MAML3: variants seen among roughly 807,000 people sequenced by gnomAD.
MAML3 encodes the protein mastermind like transcriptional coactivator 3, also known as mastermind-like protein 3.
Under a neutral mutation model 101.9 loss-of-function variants are expected in MAML3, and 27 were observed. That is an observed-to-expected ratio of 0.27 (90% CI 0.20 to 0.37). The LOEUF is 0.37. Among genes scored for constraint, MAML3 ranks in the 10% least tolerant of loss-of-function variants. The pLI, the probability that MAML3 is intolerant of heterozygous loss-of-function variation, is 1.00. For missense variants in MAML3, 1,316 were observed against 1,444.9 expected, an observed-to-expected ratio of 0.91 and a Z score of 1.45; for synonymous variants, 501 against 555.9, an observed-to-expected ratio of 0.90 and a Z score of 1.39.
intron 1 of MAML3, among the ~76,000 whole-genome samples, chr4:140,122,563 C>A (rs528604199): frequency 6.6e-6 from 1 of 151,812 alleles, no homozygotes; most frequent in Non-Finnish European, 1.5e-5. Context: ...GAGGCCGAGG[C>A]GGGCGGATCA....
Position 139,863,832 on chromosome 4 carries a change from G to GTTTTTTTTTTTTT in MAML3, c.2079+25512_2079+25524dup, listed in dbSNP as rs58270046. 3.2e-3 allele frequency among the ~76,000 whole-genome samples: 355 copies of GTTTTTTTTTTTTT among 111,202 alleles called. 43 individuals carry two copies. The highest frequency in any genetic ancestry group is 5.7e-3 in the East Asian group (13 of 2,292). The allele number at this position is 111,202 out of a possible 152,430, so 73.0% of individuals were successfully genotyped here. Reference sequence around the variant, plus strand: ...TTTCTGTGGTAATACCAGAACATGGGTTTTTTTTTTTTTTTTTTTTTTTTG... The same window carrying GTTTTTTTTTTTTT: ...TTTCTGTGGTAATACCAGAACATGGGTTTTTTTTTTTTTTTTTTTTTTTTTTTTTTTTTTTTTG... On this transcript the variant is annotated intron_variant, in intron 2 of 4. Transcript: ENST00000509479.
intron 1 of MAML3, among the ~76,000 whole-genome samples, chr4:139,914,999 T>G (rs916345837): frequency 8.3e-6 from 1 of 120,940 alleles, no homozygotes; most frequent in Admixed American, 7.2e-5. Flanking sequence ...TTAAAACCAG[T>G]GGCTAAGGAG....
At chr4:140,116,210 A>G (rs1728514909) in intron 1 of MAML3, among the ~76,000 whole-genome samples, 1 of 152,206 alleles carries the variant, frequency 6.6e-6, no homozygotes, top group Non-Finnish European at 1.5e-5. Context: ...AAGCCTTATG[A>G]CAATACCACA....
intron 1 of MAML3, among the ~76,000 whole-genome samples, chr4:140,003,668 G>A (rs982718419): frequency 2.7e-4 from 41 of 152,156 alleles, no homozygotes; most frequent in Admixed American, 1.8e-3. Context: ...TGCCAGCAAC[G>A]TCTGTCAAAG....
chr4:140,058,958 A>T (rs1727399275), intron 1 of MAML3, among the ~76,000 whole-genome samples: 1 of 152,190 alleles, frequency 6.6e-6, no homozygotes, highest in Non-Finnish European at 1.5e-5. Flanking sequence ...CTTCTATATA[A>T]AACGCCGGTA....
intron 2 of MAML3, among the ~76,000 whole-genome samples, chr4:139,781,951 G>A (rs1270084840): frequency 6.6e-6 from 1 of 152,148 alleles, no homozygotes; most frequent in Admixed American, 6.5e-5. Context: ...TCCAACAGAG[G>A]CTGAATTGGA....
At position 139,912,726 on chromosome 4, in the gene MAML3, C is replaced by G. The variant is rs1182228731; in HGVS notation, c.469-21759G>C. Among the ~76,000 whole-genome samples, 4 of 152,248 alleles carry G rather than the reference C, an allele frequency of 2.6e-5. No homozygotes were observed. The East Asian group carries it at 7.7e-4, about 29-fold the overall frequency. On this transcript the variant is annotated intron_variant, in intron 1 of 4. Coordinates refer to ENST00000509479, the MANE Select transcript of MAML3 (RefSeq NM_018717.5). ...GGAGGCAGAGACTGGAGTTACGCAGCTGCAAGCTAAGGAATGCCAAAGACT... is the reference window on the plus strand; with the variant it reads ...GGAGGCAGAGACTGGAGTTACGCAGGTGCAAGCTAAGGAATGCCAAAGACT...
chr4:139,975,892 G>C (rs1336385305), intron 1 of MAML3, among the ~76,000 whole-genome samples: 1 of 152,086 alleles, frequency 6.6e-6, no homozygotes, highest in Non-Finnish European at 1.5e-5. Context: ...GTTCAGGCCT[G>C]GATTAAAGGA....
intron 1 of MAML3, among the ~76,000 whole-genome samples, chr4:140,002,026 A>G (rs1267235353): frequency 2.1e-5 from 3 of 146,296 alleles, no homozygotes; most frequent in Non-Finnish European, 3.0e-5. Flanking sequence ...TAATTAACAT[A>G]TGCATTACCT....
rs562001855 is a variant in MAML3 at position 139,736,744 on chromosome 4, C to T, written c.2080-6077G>A. On this transcript the variant is annotated intron_variant, in intron 2 of 4. Transcript: ENST00000509479. ...GCAAATTCCCAGGCTCCCCTCTAGGCCTCCTGAATTAGAACTTTTGGGGGT... is the reference window on the plus strand; with the variant it reads ...GCAAATTCCCAGGCTCCCCTCTAGGTCTCCTGAATTAGAACTTTTGGGGGT... Among the ~76,000 whole-genome samples, 4 of 152,276 alleles carry T rather than the reference C, an allele frequency of 2.6e-5. No homozygotes were observed. The South Asian group carries it at 6.2e-4, about 24-fold the overall frequency.
Position 139,838,079 on chromosome 4 carries a change from C to T in MAML3, c.2079+51278G>A, listed in dbSNP as rs6851572. Among the ~76,000 whole-genome samples the T allele has an allele frequency of 3.7e-3, 563 of 151,926 alleles. 5 individuals carry two copies. The highest frequency in any genetic ancestry group is 0.013 in the African/African-American group (531 of 41,430). ...TATTCATGTTAGATGAGGCTCCCAG[C>T]GAGAGCATGGGTACATCGGCCAAGC... On this transcript the variant is annotated intron_variant, in intron 2 of 4. Transcript: ENST00000509479.
chr4:139,822,913 C>T (rs1420903585), intron 2 of MAML3, among the ~76,000 whole-genome samples: 3 of 152,238 alleles, frequency 2.0e-5, no homozygotes, highest in Non-Finnish European at 4.4e-5. Flanking sequence ...TGCGTGGTAT[C>T]TCTCCCTAAA....
intron 2 of MAML3, among the ~76,000 whole-genome samples, chr4:139,840,015 C>T (rs547257588): frequency 8.3e-4 from 127 of 152,192 alleles, no homozygotes; most frequent in Non-Finnish European, 1.5e-3. Context: ...GGTCAAAAGC[C>T]CCCCAAAGAT....
At chr4:139,999,230 C>G (rs1734877637) in intron 1 of MAML3, among the ~76,000 whole-genome samples, 1 of 152,164 alleles carries the variant, frequency 6.6e-6, no homozygotes, top group African/African-American at 2.4e-5. Flanking sequence ...ATACCCAACC[C>G]ACAGCCACCA....
intron 2 of MAML3, among the ~76,000 whole-genome samples, chr4:139,775,969 A>G (rs559484142): frequency 6.6e-6 from 1 of 152,362 alleles, no homozygotes; most frequent in East Asian, 1.9e-4. Flanking sequence ...GCAAAGCCAA[A>G]TAATAATAAG....
At chr4:140,012,726 G>A (rs753550981) in intron 1 of MAML3, among the ~76,000 whole-genome samples, 10 of 152,166 alleles carry the variant, frequency 6.6e-5, no homozygotes, top group Non-Finnish European at 1.3e-4. Context: ...CACCTCTTGA[G>A]GTCTAGGTTC....
At chr4:140,004,788 C>T (rs183396115) in intron 1 of MAML3, among the ~76,000 whole-genome samples, 35 of 152,226 alleles carry the variant, frequency 2.3e-4, no homozygotes, top group South Asian at 4.2e-4. Flanking sequence ...AGCTGCTCCC[C>T]AGTAGAGAGA....
rs143125827 is a variant in MAML3 at position 139,804,456 on chromosome 4, G to A, written c.2080-73789C>T. 9.0e-3 allele frequency among the ~76,000 whole-genome samples: 1,364 copies of A among 151,998 alleles called. 24 individuals carry two copies. The highest frequency in any genetic ancestry group is 0.05 in the Admixed American group (761 of 15,260). On this transcript the variant is annotated intron_variant, in intron 2 of 4. Transcript: ENST00000509479. Reference sequence around the variant, plus strand: ...TAATTTTTGTATTTTCAGTAGAGACGGGGTTTCACCATCTTGGCCAGGCTG... The same window carrying A: ...TAATTTTTGTATTTTCAGTAGAGACAGGGTTTCACCATCTTGGCCAGGCTG...
intron 2 of MAML3, among the ~76,000 whole-genome samples, chr4:139,780,259 C>G (rs773369627): frequency 6.6e-6 from 1 of 152,186 alleles, no homozygotes; most frequent in Non-Finnish European, 1.5e-5. Context: ...CCAGAAAACT[C>G]AATTGGTGCC....
Sources: allele counts gnomAD v4.1 joint callset (sites outside exome capture counted in the v4.1 genomes callset), GRCh38; gene constraint gnomAD v4.1.1; transcripts MANE v1.5; gene names NCBI Gene and HGNC (gene_info 2026-07-23, HGNC 2026-07-21).